The following INPP4B variants were observed in gnomAD, a reference collection of about 807,000 sequenced individuals.
INPP4B encodes inositol polyphosphate-4-phosphatase type II B, also known as inositol polyphosphate 4-phosphatase type II.
Under a neutral mutation model 122.5 loss-of-function variants are expected in INPP4B, and 55 were observed. That is an observed-to-expected ratio of 0.45 (90% CI 0.36 to 0.56). The LOEUF (loss-of-function observed/expected upper bound fraction) is 0.56. INPP4B is among the 20% of genes least tolerant of loss of function. INPP4B has a pLI of 0.00. For missense variants in INPP4B, 1,000 were observed against 1,097.7 expected (o/e 0.91, Z 1.26); for synonymous variants, 403 against 388.7 (o/e 1.04, Z -0.43).
At chr4:142,611,498 A>G (rs1206109557) in intron 2 of INPP4B, among the ~76,000 whole-genome samples, 2 of 151,958 alleles carry the variant, frequency 1.3e-5, no homozygotes, top group Non-Finnish European at 2.9e-5. Flanking sequence ...TGAATTAAAC[A>G]CTTTTATCTG....
chr4:142,778,234 CT>C (rs1157294063), intron 1 of INPP4B, among the ~76,000 whole-genome samples: 1 of 152,050 alleles, frequency 6.6e-6, no homozygotes, highest in African/African-American at 2.4e-5. Flanking sequence ...TATATGTTGA[CT>C]TTTTTGTCTT....
intron 2 of INPP4B, among the ~76,000 whole-genome samples, chr4:142,564,591 T>G (rs1291190243): frequency 1.3e-5 from 2 of 151,982 alleles, no homozygotes; most frequent in Non-Finnish European, 2.9e-5. Flanking sequence ...CCTCAAACAG[T>G]AGGGTACATG....
Position 142,028,454 on chromosome 4 carries a change from A to G in INPP4B, c.*328T>C, listed in dbSNP as rs1026443364. Reference sequence around the variant, plus strand: ...TGCTCTGTGAATCACCCCTAGTCCTATTGAAATGATCCATGTTTCCTCAGA... The same window carrying G: ...TGCTCTGTGAATCACCCCTAGTCCTGTTGAAATGATCCATGTTTCCTCAGA... On this transcript the variant is annotated 3_prime_UTR_variant, in exon 26 of 26. Transcript: ENST00000262992. 3.2e-6 allele frequency: 1 copy of G among 310,116 alleles called. No homozygotes were observed. Among genetic ancestry groups the G allele is most frequent in the African/African-American group, 2.1e-5 (1 of 47,334 alleles). The allele number at this position is 310,116 out of a possible 1,614,324, so 19.2% of individuals were successfully genotyped here. A position where few individuals can be genotyped will look rare whatever the true frequency, so the allele number is the denominator to read the frequency against.
chr4:142,474,552 C>G (rs1253122520), intron 2 of INPP4B: 1 of 152,412 alleles, frequency 6.6e-6, no homozygotes, highest in African/African-American at 2.4e-5. Flanking sequence ...CCAACTAGAG[C>G]TTTTAGCCCA....
intron 2 of INPP4B, among the ~76,000 whole-genome samples, chr4:142,637,335 CTA>C (rs889633326): frequency 1.1e-4 from 16 of 152,136 alleles, no homozygotes; most frequent in Non-Finnish European, 5.9e-5. Flanking sequence ...AAAAAATTGT[CTA>C]TGTCATGCCT....
intron 7 of INPP4B, among the ~76,000 whole-genome samples, chr4:142,367,298 A>C (rs1787916894): frequency 6.6e-6 from 1 of 151,850 alleles, no homozygotes; most frequent in Admixed American, 6.6e-5. Flanking sequence ...AAGTAGGTTA[A>C]AGATGATACA....
intron 2 of INPP4B, chr4:142,518,682 C>G (rs1260636038): frequency 1.3e-5 from 2 of 152,174 alleles, no homozygotes; most frequent in Non-Finnish European, 2.9e-5. Context: ...CTACCTTACT[C>G]TCTCATATCA....
intron 5 of INPP4B, among the ~76,000 whole-genome samples, chr4:142,418,859 G>A (rs571863161): frequency 5.9e-4 from 90 of 152,248 alleles, no homozygotes; most frequent in African/African-American, 1.9e-3. Context: ...TTTTCCATCA[G>A]GTGGAGACTG....
intron 2 of INPP4B, among the ~76,000 whole-genome samples, chr4:142,701,539 A>G (rs183982093): frequency 0.019 from 2,955 of 152,132 alleles, 46 homozygotes; most frequent in Middle Eastern, 0.059. Flanking sequence ...GGAAAGAAAA[A>G]GGGATTTGTC....
intron 1 of INPP4B, among the ~76,000 whole-genome samples, chr4:142,751,585 GCCT>G (rs1769726254): frequency 6.6e-6 from 1 of 151,920 alleles, no homozygotes; most frequent in Admixed American, 6.6e-5. Flanking sequence ...TTTCCTAATG[GCCT>G]CCTCAAGACA....
At chr4:142,393,674 C>T (rs564321943) in intron 7 of INPP4B, among the ~76,000 whole-genome samples, 7 of 152,306 alleles carry the variant, frequency 4.6e-5, no homozygotes, top group African/African-American at 1.7e-4. Context: ...AGATTGAAAA[C>T]TTAGGAGTAT....
chr4:142,432,991 C>A (rs977934998), intron 3 of INPP4B, among the ~76,000 whole-genome samples: 1 of 152,076 alleles, frequency 6.6e-6, no homozygotes, highest in African/African-American at 2.4e-5. Flanking sequence ...AATGTGGTCC[C>A]ATTTTAAGCA....
At chr4:142,048,622 G>A in intron 25 of INPP4B, among the ~76,000 whole-genome samples, 1 of 151,938 alleles carries the variant, frequency 6.6e-6, no homozygotes, top group Non-Finnish European at 1.5e-5. Context: ...AACTAAGGGT[G>A]AACGATAAGT....
intron 25 of INPP4B, among the ~76,000 whole-genome samples, chr4:142,031,075 G>A (rs1324334788): frequency 6.6e-6 from 1 of 152,154 alleles, no homozygotes; most frequent in African/African-American, 2.4e-5. Flanking sequence ...ATAAAAAAAA[G>A]TAGGGGGTTG....
chr4:142,178,717 T>C (rs1055929025), intron 15 of INPP4B, among the ~76,000 whole-genome samples: 1 of 151,908 alleles, frequency 6.6e-6, no homozygotes, highest in East Asian at 1.9e-4. Context: ...TTGGTGAGTT[T>C]AGGGAAAAAT....
At chr4:142,774,231 G>A (rs1773514636) in intron 1 of INPP4B, among the ~76,000 whole-genome samples, 1 of 152,024 alleles carries the variant, frequency 6.6e-6, no homozygotes, top group Admixed American at 6.6e-5. Flanking sequence ...GGCCTGCCTG[G>A]AGCTGTCTGA....
intron 7 of INPP4B, chr4:142,317,143 A>G (rs1217154198): frequency 1.3e-5 from 2 of 155,404 alleles, no homozygotes; most frequent in African/African-American, 4.8e-5. Flanking sequence ...AAGGAAGGAT[A>G]TGATAAAACA....
Position 142,712,414 on chromosome 4 carries a change from T to C in INPP4B, c.-191+13425A>G, listed in dbSNP as rs532266346. The stretch of plus-strand genomic sequence containing the variant: ...TGACCCTACAAGATGCAGATACCTA[T>C]ACATGAGCCTGGATTAACAGATAAT... On this transcript the variant is annotated intron_variant, in intron 2 of 25. Coordinates refer to ENST00000262992, the MANE Select transcript of INPP4B (RefSeq NM_001101669.3). Among the ~76,000 whole-genome samples, 9 of 152,332 alleles carry C rather than the reference T, an allele frequency of 5.9e-5. No individual in the cohort carries two copies. The South Asian group carries it at 1.7e-3, about 28-fold the overall frequency.
At chr4:142,180,599 T>C (rs1302392333) in intron 15 of INPP4B, among the ~76,000 whole-genome samples, 1 of 152,174 alleles carries the variant, frequency 6.6e-6, no homozygotes, top group East Asian at 1.9e-4. Flanking sequence ...GATGTAGAAA[T>C]TGAAGCCTGA....
Sources: gnomAD v4.1 joint callset for allele counts (sites outside exome capture counted in the v4.1 genomes callset) on GRCh38, gnomAD v4.1.1 for gene constraint, MANE v1.5 for transcripts, NCBI Gene and HGNC (gene_info 2026-07-23, HGNC 2026-07-21) for gene names.